SLC35G2: variants seen among roughly 807,000 people sequenced by gnomAD.
SLC35G2 encodes solute carrier family 35 member G2, also known as transmembrane protein 22.
In SLC35G2, 20 loss-of-function variants were observed where a neutral mutation model predicts 27.2. The ratio of observed to expected loss-of-function variants is 0.74; its 90% CI spans 0.52 to 1.07. SLC35G2 has a LOEUF of 1.07. Ranked by LOEUF, SLC35G2 falls within the 50% of genes least tolerant of loss-of-function variation. The pLI is 0.00. For synonymous variants in SLC35G2, 148 were observed against 165.3 expected, an observed-to-expected ratio of 0.90 and a Z score of 0.80; for missense variants, 416 against 493.3, an observed-to-expected ratio of 0.84 and a Z score of 1.48.
chr3:136,823,933 C>T (rs1936521161), intron 1 of SLC35G2, among the ~76,000 whole-genome samples: 1 of 152,054 alleles, frequency 6.6e-6, no homozygotes, highest in Non-Finnish European at 1.5e-5. Context: ...TTTCATTATT[C>T]TGCATATGGA....
intron 1 of SLC35G2, among the ~76,000 whole-genome samples, chr3:136,847,285 G>A (rs1021126189): frequency 6.6e-6 from 1 of 152,152 alleles, no homozygotes; most frequent in Non-Finnish European, 1.5e-5. Flanking sequence ...TAGGCAAGAA[G>A]ACCAAACAGC....
In SLC35G2 at chr3:136,855,777, T is replaced by C; in HGVS notation, c.*78T>C. 1.6e-5 allele frequency: 18 copies of C among 1,152,034 alleles called. No individual in the cohort carries two copies. Among genetic ancestry groups the C allele is most frequent in the Non-Finnish European group, 2.2e-5 (17 of 776,278 alleles). The allele number at this position is 1,152,034 out of a possible 1,614,324, so 71.4% of individuals were successfully genotyped here. ...TTTAATGTTTACCTATGAATGTCTT[T>C]TGTGTTATATAACTGACAGAGTGCT... On this transcript the variant is annotated 3_prime_UTR_variant, in exon 2 of 2. Transcript: ENST00000446465.
At chr3:136,851,263 G>A (rs534413912) in intron 1 of SLC35G2, among the ~76,000 whole-genome samples, 1 of 151,916 alleles carries the variant, frequency 6.6e-6, no homozygotes, top group Non-Finnish European at 1.5e-5. Flanking sequence ...GGGAGGCCGA[G>A]GTGGGCAGAT....
chr3:136,833,532 G>T (rs1015383499), intron 1 of SLC35G2, among the ~76,000 whole-genome samples: 2 of 152,116 alleles, frequency 1.3e-5, no homozygotes, highest in African/African-American at 2.4e-5. Flanking sequence ...GTCGGCGGGT[G>T]GGGGGTGTGT....
Position 136,854,695 on chromosome 3 carries a change from A to G in SLC35G2, c.235A>G (p.Thr79Ala). The G allele has an allele frequency of 1.2e-6, 2 of 1,614,122 alleles. No homozygotes were observed. Among genetic ancestry groups the G allele is most frequent in the Middle Eastern group, 1.6e-4 (1 of 6,062 alleles). The change falls in exon 2 of 2, where the codon ACA (threonine) becomes GCA (alanine). Residue 79 changes from threonine (T) to alanine (A), a missense_variant. Physicochemically the swap from Thr to Ala is moderately conservative, Grantham distance 58 (BLOSUM62 0). Coordinates refer to ENST00000446465, the MANE Select transcript of SLC35G2 (RefSeq NM_025246.3). ...FGTMDTLPPP[T>A]EDPMINEIGQ... is the part of the protein sequence containing the mutation. ...AACCATGGATACCCTACCTCCACCA[A>G]CAGAAGACCCAATGATCAATGAGAT...
chr3:136,839,169 T>C (rs1376833190), intron 1 of SLC35G2: 1 of 152,090 alleles, frequency 6.6e-6, no homozygotes, highest in Non-Finnish European at 1.5e-5. Context: ...AATGTGTTCA[T>C]TGAGGATGGC....
intron 1 of SLC35G2, among the ~76,000 whole-genome samples, chr3:136,832,115 G>A (rs528581521): frequency 6.6e-6 from 1 of 152,054 alleles, no homozygotes; most frequent in African/African-American, 2.4e-5. Flanking sequence ...CCGGGTTCAT[G>A]CCATTCTCCT....
chr3:136,837,866 G>A (rs144937965), intron 1 of SLC35G2: 1 of 149,666 alleles, frequency 6.7e-6, no homozygotes, highest in African/African-American at 2.5e-5. Context: ...TTGAAACAAG[G>A]TCTTGCTCTG....
chr3:136,849,151 C>T (rs1253916589), intron 1 of SLC35G2, among the ~76,000 whole-genome samples: 1 of 151,224 alleles, frequency 6.6e-6, no homozygotes, highest in Non-Finnish European at 1.5e-5. Flanking sequence ...ACACTCCAGC[C>T]TGGGCAACAA....
chr3:136,854,619 A>G lies in SLC35G2; in HGVS notation c.159A>G (p.Pro53=). The change falls in exon 2 of 2, where the codon CCA becomes CCG. Residue 53 remains proline, a synonymous_variant. Coordinates refer to ENST00000446465, the MANE Select transcript of SLC35G2 (RefSeq NM_025246.3). ...EGYGNFMEEN[P]KKGLLSEMKK... ...ATGGAAATTTTATGGAGGAAAATCC[A>G]AAGAAAGGTCTGCTGAGTGAAATGA... 3 of 1,613,074 alleles carry G rather than the reference A, an allele frequency of 1.9e-6. No individual in the cohort carries two copies. The highest frequency in any genetic ancestry group is 1.7e-6 in the Non-Finnish European group (2 of 1,179,784).
Position 136,855,081 on chromosome 3 carries a change from C to T in SLC35G2, c.621C>T (p.Ala207=), listed in dbSNP as rs1285430225. ...MWRATTTVFS[A]ILAFLLVDEK... ...GAGCCACAACTACAGTCTTCAGTGC[C>T]ATTTTGGCTTTTTTACTCGTAGATG... The change falls in exon 2 of 2, where the codon GCC becomes GCT. Residue 207 remains alanine (A), a synonymous_variant. Transcript: ENST00000446465. 1 of 1,614,198 alleles carries T rather than the reference C, an allele frequency of 6.2e-7. No homozygotes were observed. The highest frequency in any genetic ancestry group is 1.7e-5 in the Admixed American group (1 of 60,026).
chr3:136,849,315 T>C (rs1937531978), intron 1 of SLC35G2, among the ~76,000 whole-genome samples: 1 of 152,084 alleles, frequency 6.6e-6, no homozygotes, highest in South Asian at 2.1e-4. Context: ...AGTTATGCCA[T>C]TTAATTTATA....
intron 1 of SLC35G2, among the ~76,000 whole-genome samples, chr3:136,847,172 C>T (rs1209105548): frequency 1.3e-5 from 2 of 151,704 alleles, no homozygotes; most frequent in Non-Finnish European, 2.9e-5. Context: ...GTGAGACTGT[C>T]TAAAAATAAA....
At chr3:136,828,141 A>C (rs1936636664) in intron 1 of SLC35G2, among the ~76,000 whole-genome samples, 2 of 152,212 alleles carry the variant, frequency 1.3e-5, no homozygotes, top group South Asian at 4.1e-4. Context: ...TAATGTTTTA[A>C]GACTTGTTTT....
chr3:136,848,835 G>A (rs1937510194), intron 1 of SLC35G2, among the ~76,000 whole-genome samples: 3 of 152,136 alleles, frequency 2.0e-5, no homozygotes, highest in Non-Finnish European at 2.9e-5. Context: ...TGGGTGCAAT[G>A]CTCACTATTT....
At chr3:136,830,223 C>T (rs1402630996) in intron 1 of SLC35G2, among the ~76,000 whole-genome samples, 1 of 151,356 alleles carries the variant, frequency 6.6e-6, no homozygotes, top group Non-Finnish European at 1.5e-5. Context: ...ATTCTCCTGC[C>T]TCAGCCTCCT....
Position 136,854,839 on chromosome 3 carries a change from G to T in SLC35G2, c.379G>T (p.Asp127Tyr), listed in dbSNP as rs1464339856. Residue 127 changes from aspartate to tyrosine, a missense_variant, in exon 2 of 2, where the codon GAT (aspartate) becomes TAT (tyrosine). Asp to Tyr is a radical substitution (Grantham distance 160). Coordinates refer to ENST00000446465, the MANE Select transcript of SLC35G2 (RefSeq NM_025246.3). Reference protein sequence around the residue: ...CVALITRLVSDRSKVPSLELI... With the variant: ...CVALITRLVSYRSKVPSLELI... ...AGCTCTTATCACTAGGCTTGTTTCT[G>T]ATCGGTCTAAAGTTCCATCTCTAGA... 20 of 1,614,174 alleles carry T rather than the reference G, an allele frequency of 1.2e-5. No homozygotes were observed. Among genetic ancestry groups the T allele is most frequent in the Non-Finnish European group, 1.7e-5 (20 of 1,180,028 alleles).
intron 1 of SLC35G2, among the ~76,000 whole-genome samples, chr3:136,834,100 C>CT (rs1260906818): frequency 6.6e-6 from 1 of 151,894 alleles, no homozygotes; most frequent in East Asian, 1.9e-4. Flanking sequence ...GTGAAAATGG[C>CT]TTTTTAAAAA....
intron 1 of SLC35G2, among the ~76,000 whole-genome samples, chr3:136,828,449 G>A (rs1268870468): frequency 6.6e-6 from 1 of 152,124 alleles, no homozygotes; most frequent in African/African-American, 2.4e-5. Context: ...AGTTGTTATA[G>A]CCTCTTGAAG....
Sources: gnomAD v4.1 joint callset for allele counts (sites outside exome capture counted in the v4.1 genomes callset) on GRCh38, gnomAD v4.1.1 for gene constraint, MANE v1.5 for transcripts, NCBI Gene and HGNC (gene_info 2026-07-23, HGNC 2026-07-21) for gene names.